The following AIG1 variants were observed in gnomAD, a reference collection of about 807,000 sequenced individuals.
The protein encoded by AIG1 is androgen induced 1.
A neutral mutation model predicts 31.4 loss-of-function variants in AIG1; 23 were observed. That is an observed-to-expected ratio of 0.73 (90% CI 0.53 to 1.04). AIG1 has a LOEUF of 1.04. AIG1 is among the 50% of genes least tolerant of loss of function. AIG1 has a pLI of 0.00. For missense variants in AIG1, 274 were observed against 295.0 expected (o/e 0.93, Z 0.52); for synonymous variants, 100 against 110.5 (o/e 0.90, Z 0.60).
At chr6:143,188,146 T>C (rs916151601) in intron 3 of AIG1, 3 of 1,003,154 alleles carry the variant, frequency 3.0e-6, no homozygotes, top group African/African-American at 3.5e-5. Flanking sequence ...ATGAAGTTAA[T>C]GGATAGAGAA....
intron 4 of AIG1, among the ~76,000 whole-genome samples, chr6:143,307,382 G>A (rs1397403995): frequency 6.6e-6 from 1 of 152,140 alleles, no homozygotes; most frequent in African/African-American, 2.4e-5. Context: ...TTTTTGATGT[G>A]GATGTCCTTT....
At chr6:143,128,019 G>A (rs1210607945) in intron 1 of AIG1, among the ~76,000 whole-genome samples, 1 of 152,110 alleles carries the variant, frequency 6.6e-6, no homozygotes, top group Non-Finnish European at 1.5e-5. Context: ...TATTGAAGAT[G>A]ATGTAATGGG....
chr6:143,086,355 C>T (rs182096404), intron 1 of AIG1, among the ~76,000 whole-genome samples: 99 of 151,986 alleles, frequency 6.5e-4, no homozygotes, highest in South Asian at 1.2e-3. Context: ...TTCTATCTCT[C>T]TTTTTCTCTC....
chr6:143,187,669 G>A lies in AIG1; in HGVS notation c.399+22486G>A, dbSNP rs528410241. 8.9e-5 allele frequency: 137 copies of A among 1,535,996 alleles called. No homozygotes were observed. The African/African-American group carries it at 1.5e-3, about 17-fold the overall frequency. On this transcript the variant is annotated intron_variant, in intron 3 of 5. Transcript: ENST00000357847. ...AGTTTTCTTGGCACGCTTTTCAAAC[G>A]CCCATCTGACTTTGAAGCAGGCTGC... is the stretch of plus-strand genomic sequence containing the variant.
At chr6:143,101,994 G>T (rs1273799221) in intron 1 of AIG1, among the ~76,000 whole-genome samples, 1 of 152,054 alleles carries the variant, frequency 6.6e-6, no homozygotes, top group African/African-American at 2.4e-5. Context: ...ATTCCAATGT[G>T]TTAGCAAAGT....
intron 1 of AIG1, among the ~76,000 whole-genome samples, chr6:143,114,287 T>C (rs969449762): frequency 3.3e-5 from 5 of 152,234 alleles, no homozygotes; most frequent in African/African-American, 1.2e-4. Flanking sequence ...GTTTTGTTTT[T>C]CTCCTAAAAA....
intron 3 of AIG1, among the ~76,000 whole-genome samples, chr6:143,180,208 A>G (rs530446443): frequency 1.1e-4 from 17 of 152,356 alleles, no homozygotes; most frequent in African/African-American, 4.1e-4. Flanking sequence ...ATATAATTCA[A>G]TCTAACAAAC....
intron 1 of AIG1, among the ~76,000 whole-genome samples, chr6:143,102,391 A>G (rs1325394104): frequency 1.3e-5 from 2 of 149,626 alleles, no homozygotes; most frequent in Non-Finnish European, 3.0e-5. Context: ...TTTCAGCCGG[A>G]AGGGAAGGAC....
intron 3 of AIG1, chr6:143,189,631 G>A (rs1789604330): frequency 8.1e-6 from 8 of 985,210 alleles, no homozygotes; most frequent in Non-Finnish European, 9.6e-6. Context: ...TATCTTTTTT[G>A]ATGTGTCTTA....
rs879449915 is a variant in AIG1, at chr6:143,334,879, C to A, written c.679+1434C>A. On this transcript the variant is annotated intron_variant, in intron 5 of 5. Transcript: ENST00000357847. This position sits in a 1 kb window ranked among gnomAD's most constrained non-coding sequence, Gnocchi z 5.1. Reference sequence around the variant, plus strand: ...CTTCTATGAGAGGATGACCTGAAAACCACTAGAGAGAAATATCCACTCTAC... The same window carrying A: ...CTTCTATGAGAGGATGACCTGAAAAACACTAGAGAGAAATATCCACTCTAC... Among the ~76,000 whole-genome samples the A allele has an allele frequency of 6.6e-6, 1 of 152,134 alleles. No homozygotes were observed. The highest frequency in any genetic ancestry group is 1.5e-5 in the Non-Finnish European group (1 of 68,022).
At chr6:143,221,781 C>T (rs1792537344) in intron 3 of AIG1, among the ~76,000 whole-genome samples, 1 of 152,172 alleles carries the variant, frequency 6.6e-6, no homozygotes, top group Non-Finnish European at 1.5e-5. Context: ...GTGCTTACAG[C>T]AGTGCCTCGG....
intron 1 of AIG1, among the ~76,000 whole-genome samples, chr6:143,074,710 G>A (rs1777583345): frequency 1.3e-5 from 2 of 152,320 alleles, no homozygotes; most frequent in Admixed American, 6.5e-5. Flanking sequence ...TTTGTGGGGT[G>A]AATGCTACTT....
At chr6:143,229,771 T>C (rs1196128929) in intron 3 of AIG1, among the ~76,000 whole-genome samples, 2 of 126,342 alleles carry the variant, frequency 1.6e-5, no homozygotes, top group Non-Finnish European at 3.1e-5. Flanking sequence ...CTCTCGTTTC[T>C]GGACTCTCAG....
At chr6:143,336,042 T>C (rs976692608) in intron 5 of AIG1, among the ~76,000 whole-genome samples, 44 of 152,314 alleles carry the variant, frequency 2.9e-4, no homozygotes, top group South Asian at 2.1e-4. Flanking sequence ...CTGGCCACTT[T>C]ACTCAGTCAC....
intron 3 of AIG1, among the ~76,000 whole-genome samples, chr6:143,167,401 G>T (rs1316193477): frequency 2.0e-5 from 3 of 152,198 alleles, no homozygotes; most frequent in Non-Finnish European, 4.4e-5. Flanking sequence ...AATGTGAAAT[G>T]ATGTCAGTTA....
chr6:143,159,169 C>T (rs1786088243), intron 2 of AIG1, among the ~76,000 whole-genome samples: 1 of 152,136 alleles, frequency 6.6e-6, no homozygotes, highest in Non-Finnish European at 1.5e-5. Flanking sequence ...ATTCCTGGCA[C>T]AGAGTAGAAA....
At chr6:143,178,951 G>A (rs758016359) in intron 3 of AIG1, among the ~76,000 whole-genome samples, 5 of 152,156 alleles carry the variant, frequency 3.3e-5, no homozygotes, top group African/African-American at 7.2e-5. Context: ...AGGGACAAGA[G>A]GCATGGCAAT....
intron 3 of AIG1, among the ~76,000 whole-genome samples, chr6:143,219,568 A>G (rs1411873732): frequency 6.6e-6 from 1 of 152,202 alleles, no homozygotes; most frequent in Non-Finnish European, 1.5e-5. Flanking sequence ...TTTCAAATGA[A>G]AAATATAACA....
intron 3 of AIG1, among the ~76,000 whole-genome samples, chr6:143,243,866 C>T (rs1048476407): frequency 3.3e-5 from 5 of 152,146 alleles, no homozygotes; most frequent in Non-Finnish European, 7.4e-5. Context: ...TACCTCATCT[C>T]CCCTCCTGCT....
Sources: allele counts gnomAD v4.1 joint callset (sites outside exome capture counted in the v4.1 genomes callset), GRCh38; gene constraint gnomAD v4.1.1; non-coding constraint Gnocchi (gnomAD v3.1); transcripts MANE v1.5; gene names NCBI Gene and HGNC (gene_info 2026-07-23, HGNC 2026-07-21).